KPNA7: variants seen among roughly 807,000 people sequenced by gnomAD.
The protein encoded by KPNA7 is importin subunit alpha-8.
KPNA7 carries 54 observed loss-of-function variants against 53.7 expected under a neutral mutation model. The ratio of observed to expected loss-of-function variants is 1.01; its 90% confidence interval spans 0.81 to 1.26. The LOEUF (loss-of-function observed/expected upper bound fraction) is 1.26. Among genes scored for constraint, KPNA7 ranks in the 50% most tolerant of loss-of-function variants. The pLI is 0.00. For missense variants in KPNA7, 640 were observed against 644.5 expected (o/e 0.99, Z 0.07); for synonymous variants, 276 against 259.3 (o/e 1.06, Z -0.62).
At chr7:99,172,068 A>T (rs1798780311), downstream of KPNA7, among the ~76,000 whole-genome samples, 2 of 152,218 alleles carry the variant, frequency 1.3e-5, no homozygotes, top group South Asian at 4.1e-4. Flanking sequence ...GATTAATACT[A>T]AGGAAAACAC....
At chr7:99,199,617 AAG>A (rs1408503113) in intron 3 of KPNA7, among the ~76,000 whole-genome samples, 16 of 152,256 alleles carry the variant, frequency 1.1e-4, no homozygotes, top group African/African-American at 3.9e-4. Context: ...GCCTAAAAGT[AAG>A]AGCTAAAATT....
At chr7:99,149,869 C>T in the KPNA7 span, among the ~76,000 whole-genome samples, 1 of 152,084 alleles carries the variant, frequency 6.6e-6, no homozygotes, top group African/African-American at 2.4e-5. Flanking sequence ...TCACGTGCAA[C>T]CTGCAACCTC....
chr7:99,180,503 G>C (rs111779715), intron 9 of KPNA7, among the ~76,000 whole-genome samples: 4,738 of 146,678 alleles, frequency 0.032, 265 homozygotes, highest in African/African-American at 0.11. Context: ...ATCTCTGTCT[G>C]TCTCTCTCTC....
chr7:99,187,595 C>T (rs1008405321), intron 7 of KPNA7, among the ~76,000 whole-genome samples: 2 of 144,668 alleles, frequency 1.4e-5, no homozygotes, highest in Non-Finnish European at 3.0e-5. Flanking sequence ...TCACTGTCAC[C>T]CAGGCTGGAG....
At chr7:99,187,436 C>T (rs1305407228) in intron 7 of KPNA7, among the ~76,000 whole-genome samples, 1 of 151,850 alleles carries the variant, frequency 6.6e-6, no homozygotes, top group African/African-American at 2.4e-5. Context: ...GTCACTCTGG[C>T]TGGAGTACAG....
intron 3 of KPNA7, among the ~76,000 whole-genome samples, chr7:99,200,912 G>A (rs1790496785): frequency 6.6e-6 from 1 of 152,088 alleles, no homozygotes; most frequent in East Asian, 1.9e-4. Context: ...AAGTTGCAGT[G>A]AGCCGAGATT....
intron 2 of KPNA7, among the ~76,000 whole-genome samples, chr7:99,203,707 T>C (rs1790662636): frequency 6.6e-6 from 1 of 151,930 alleles, no homozygotes; most frequent in Admixed American, 6.6e-5. Flanking sequence ...TATATATATA[T>C]TTATATATTT....
At chr7:99,185,487 T>C (rs1249159144) in intron 7 of KPNA7, among the ~76,000 whole-genome samples, 2 of 152,124 alleles carry the variant, frequency 1.3e-5, no homozygotes, top group Admixed American at 6.6e-5. Context: ...TCTGGGACTA[T>C]ACGGATGTGC....
chr7:99,200,608 C>T (rs1297138120), intron 3 of KPNA7, among the ~76,000 whole-genome samples: 1 of 152,078 alleles, frequency 6.6e-6, no homozygotes, highest in Non-Finnish European at 1.5e-5. Context: ...CACACAAAAA[C>T]TTGTACACAG....
chr7:99,188,608 A>T, intron 6 of KPNA7, 45 bp from the exon 7 acceptor site: 1 of 1,531,804 alleles, frequency 6.5e-7, no homozygotes, highest in East Asian at 2.5e-5. Flanking sequence ...AAAGGAGAGA[A>T]AATGCAAACA....
At chr7:99,197,901 G>A (rs1790311538) in intron 3 of KPNA7, among the ~76,000 whole-genome samples, 1 of 151,836 alleles carries the variant, frequency 6.6e-6, no homozygotes, top group African/African-American at 2.4e-5. Context: ...GAAAGAGGCA[G>A]AAAGTATATT....
chr7:99,172,960 GGA>G (rs971836818), downstream of KPNA7, among the ~76,000 whole-genome samples: 2 of 149,664 alleles, frequency 1.3e-5, no homozygotes, highest in African/African-American at 4.9e-5. Flanking sequence ...CTATTTGGCA[GGA>G]GAGGCAGGAA....
rs1331605235 is a variant in KPNA7 at position 99,185,106 on chromosome 7, C to G, written c.957G>C (p.Gln319His). 6.4e-7 allele frequency: 1 copy of G among 1,552,014 alleles called. No individual in the cohort carries two copies. The highest frequency in any genetic ancestry group is 1.2e-5 in the South Asian group (1 of 84,052). Residue 319 changes from glutamine to histidine, a missense_variant, in exon 8 of 11, where the codon CAG (glutamine) becomes CAC (histidine). Coordinates refer to ENST00000327442, the MANE Select transcript of KPNA7 (RefSeq NM_001145715.3). ...NIVTGTDEQTQMAIDAGMLNV... is the reference protein window; with the variant it reads ...NIVTGTDEQTHMAIDAGMLNV... The stretch of plus-strand genomic sequence containing the variant: ...TCAGCATACCCGCATCAATGGCCAT[C>G]TGCGTCTGCTCATCTGTGCCCGTGA...
At chr7:99,196,668 C>A (rs938733713) in intron 3 of KPNA7, among the ~76,000 whole-genome samples, 5 of 152,106 alleles carry the variant, frequency 3.3e-5, no homozygotes, top group African/African-American at 1.2e-4. Flanking sequence ...TCCCACCCAC[C>A]CTCAGCTCCA....
At chr7:99,173,140 G>T (rs1232475023), downstream of KPNA7, among the ~76,000 whole-genome samples, 1 of 151,264 alleles carries the variant, frequency 6.6e-6, no homozygotes, top group Non-Finnish European at 1.5e-5. Context: ...TGTCTTGAAG[G>T]TTTTGCTTTA....
the KPNA7 span, among the ~76,000 whole-genome samples, chr7:99,150,896 C>T: frequency 6.6e-6 from 1 of 152,152 alleles, no homozygotes; most frequent in Non-Finnish European, 1.5e-5. Context: ...CATCCTTCTG[C>T]TGAGTCCTGG....
At chr7:99,172,410 T>C (rs1031878575), downstream of KPNA7, among the ~76,000 whole-genome samples, 2 of 152,130 alleles carry the variant, frequency 1.3e-5, no homozygotes, top group Non-Finnish European at 2.9e-5. Flanking sequence ...TACAAGAAAG[T>C]CATGGTTCAA....
At chr7:99,157,401 G>T in the KPNA7 span, among the ~76,000 whole-genome samples, 1 of 152,076 alleles carries the variant, frequency 6.6e-6, no homozygotes, top group Non-Finnish European at 1.5e-5. Flanking sequence ...TAGAAACAGG[G>T]TTTCTCCATG....
At chr7:99,197,301 C>G (rs1790277231) in intron 3 of KPNA7, among the ~76,000 whole-genome samples, 1 of 152,174 alleles carries the variant, frequency 6.6e-6, no homozygotes, top group Non-Finnish European at 1.5e-5. Context: ...CAAAAAAATA[C>G]AGATTTTAGA....
Sources: allele counts gnomAD v4.1 joint callset (sites outside exome capture counted in the v4.1 genomes callset), GRCh38; gene constraint gnomAD v4.1.1; transcripts MANE v1.5; gene names NCBI Gene and HGNC (gene_info 2026-07-23, HGNC 2026-07-21).